BCLAF3: variants seen among roughly 807,000 people sequenced by gnomAD.
BCLAF3 encodes the protein BCLAF1 and THRAP3 family member 3.
In BCLAF3, 24 loss-of-function variants were observed where a neutral mutation model predicts 51.2. The ratio of observed to expected loss-of-function variants is 0.47; its 90% CI spans 0.34 to 0.66. The LOEUF is 0.66. Ranked by LOEUF, BCLAF3 falls within the 30% of genes least tolerant of loss-of-function variation. The pLI is 0.01. For missense variants in BCLAF3, 465 were observed against 525.1 expected (o/e 0.89, Z 1.12); for synonymous variants, 152 against 176.6 (o/e 0.86, Z 1.10).
chrX:19,968,809 CT>C (rs2072151873), intron 2 of BCLAF3, among the ~76,000 whole-genome samples: 1 of 112,726 alleles, frequency 8.9e-6, no homozygotes, highest in South Asian at 3.6e-4. Flanking sequence ...CGCCTTTTGT[CT>C]TATCAAGAAA....
rs72620217 is a variant in BCLAF3 at position 19,921,175 on chromosome X, G to A, written c.2107-3841C>T. 4.3e-3 allele frequency among the ~76,000 whole-genome samples: 486 copies of A among 111,785 alleles called. 14 individuals carry two copies. In the East Asian group the frequency reaches 0.081, roughly 19 times the overall value. ...TTTTCTTGTAGGCAATAAAATACTT[G>A]GAAGGTGTTTGTGCAAGAGGGGTAT... On this transcript the variant is annotated intron_variant, in intron 11 of 11. Coordinates refer to ENST00000379682, the MANE Select transcript of BCLAF3 (RefSeq NM_001367774.2).
At chrX:19,983,303 T>C (rs372498085) in intron 1 of BCLAF3, among the ~76,000 whole-genome samples, 2 of 106,152 alleles carry the variant, frequency 1.9e-5, no homozygotes, top group African/African-American at 6.8e-5. Flanking sequence ...AGGCCGGGCA[T>C]AGTGGCTCAC....
At chrX:19,979,462 T>C (rs1410788626) in intron 1 of BCLAF3, among the ~76,000 whole-genome samples, 1 of 111,483 alleles carries the variant, frequency 9.0e-6, no homozygotes, top group East Asian at 2.8e-4. Context: ...ATAATGCTTT[T>C]GCACACCTAA....
At chrX:19,951,938 A>G (rs2071497789) in intron 7 of BCLAF3, among the ~76,000 whole-genome samples, 1 of 111,738 alleles carries the variant, frequency 8.9e-6, no homozygotes, top group Non-Finnish European at 1.9e-5. Flanking sequence ...AACAAAACTT[A>G]AAAAGCCTCA....
At chrX:19,945,981 C>T (rs2071273995) in intron 8 of BCLAF3, among the ~76,000 whole-genome samples, 2 of 109,434 alleles carry the variant, frequency 1.8e-5, no homozygotes. Context: ...TCGTGATGCG[C>T]CGTTTTTTAA....
rs9887301 is a variant in BCLAF3, at chrX:19,939,084, G to A, written c.1746-1552C>T. Among the ~76,000 whole-genome samples, 477 of 111,956 alleles carry A rather than the reference G, an allele frequency of 4.3e-3. 4 individuals carry two copies. Among genetic ancestry groups the A allele is most frequent in the African/African-American group, 0.015 (459 of 30,856 alleles). On this transcript the variant is annotated intron_variant, in intron 8 of 11. Transcript: ENST00000379682. ...TTTTTTAAATGTTAAAAAGGCCTAT[G>A]CTTTGTCAAAATGCTCACGACAGTA...
rs772391394 is a variant in BCLAF3 at position 19,937,929 on chromosome X, G to A, written c.1746-397C>T. ...CTTCTTGCTGACAGCTCTTACTGGT[G>A]GAAGCACCAATGGCTCATGACCCAG... On this transcript the variant is annotated intron_variant, in intron 8 of 11. Coordinates refer to ENST00000379682, the MANE Select transcript of BCLAF3 (RefSeq NM_001367774.2). Among the ~76,000 whole-genome samples the A allele has an allele frequency of 4.5e-5, 5 of 111,769 alleles. No individual in the cohort carries two copies. The East Asian group carries it at 1.1e-3, about 25-fold the overall frequency.
intron 1 of BCLAF3, among the ~76,000 whole-genome samples, chrX:19,976,493 C>T (rs1444884038): frequency 9.0e-6 from 1 of 111,102 alleles, no homozygotes; most frequent in Non-Finnish European, 1.9e-5. Flanking sequence ...CGGGTTCCAG[C>T]GATTCTCCTG....
chrX:19,935,934 C>CT (rs753132921), intron 9 of BCLAF3, 36 bp from the exon 10 acceptor site: 1 of 1,052,182 alleles, frequency 9.5e-7, no homozygotes, highest in African/African-American at 1.9e-5. Context: ...GGTTAACAGA[C>CT]TTTAAAGTTT....
rs761242623 is a variant in BCLAF3 at position 19,916,705 on chromosome X, A to G, written c.*600T>C. 8.9e-6 allele frequency: 1 copy of G among 112,573 alleles called. No homozygotes were observed. The highest frequency in any genetic ancestry group is 2.8e-4 in the East Asian group (1 of 3,599). The allele number at this position is 112,573 out of a possible 1,213,427, so 9.3% of individuals were successfully genotyped here. On this transcript the variant is annotated 3_prime_UTR_variant, in exon 12 of 12. Transcript: ENST00000379682. Reference sequence around the variant, plus strand: ...AAAAAAACTGAATGAACATATTACTAAAAATTCAGTGCACTCACAACTACC... The same window carrying G: ...AAAAAAACTGAATGAACATATTACTGAAAATTCAGTGCACTCACAACTACC...
intron 1 of BCLAF3, among the ~76,000 whole-genome samples, chrX:19,984,721 T>C (rs1235529520): frequency 2.7e-5 from 3 of 110,884 alleles, no homozygotes; most frequent in African/African-American, 9.8e-5. Flanking sequence ...GTTTCACTCT[T>C]GTTGCCCAGG....
rs1333039948 is a variant in BCLAF3 at position 19,952,555 on chromosome X, T to C, written c.1629+433A>G. On this transcript the variant is annotated intron_variant, in intron 7 of 11. Coordinates refer to ENST00000379682, the MANE Select transcript of BCLAF3 (RefSeq NM_001367774.2). ...AGTTCATATTCCACAGAATGTTTCG[T>C]ACATTCTGCAGTAAACAGAAGGGCA... 2.7e-5 allele frequency among the ~76,000 whole-genome samples: 3 copies of C among 111,548 alleles called. No individual in the cohort carries two copies. In the East Asian group the frequency reaches 8.4e-4, roughly 31 times the overall value.
At chrX:19,931,892 G>GCTCTCCA (rs1177249680) in intron 10 of BCLAF3, among the ~76,000 whole-genome samples, 1 of 111,808 alleles carries the variant, frequency 8.9e-6, no homozygotes, top group African/African-American at 3.3e-5. Context: ...CAGGAAAAAG[G>GCTCTCCA]CTCTCCACGC....
intron 4 of BCLAF3, among the ~76,000 whole-genome samples, chrX:19,960,737 C>T (rs769507783): frequency 3.6e-5 from 4 of 111,447 alleles, no homozygotes; most frequent in African/African-American, 1.3e-4. Flanking sequence ...TCCCTGCCTG[C>T]GTGATACCCA....
chrX:19,976,911 G>A (rs2072443833), intron 1 of BCLAF3, among the ~76,000 whole-genome samples: 1 of 111,554 alleles, frequency 9.0e-6, no homozygotes, highest in Non-Finnish European at 1.9e-5. Context: ...AACCTCATGT[G>A]TTTACTTCTT....
chrX:19,974,957 T>A (rs2072375843), intron 1 of BCLAF3, among the ~76,000 whole-genome samples: 1 of 112,028 alleles, frequency 8.9e-6, no homozygotes, highest in African/African-American at 3.2e-5. Context: ...AAATTATACC[T>A]CAAAGCTGTA....
chrX:19,948,773 CAAA>C (rs774401751), intron 8 of BCLAF3, among the ~76,000 whole-genome samples: 1 of 71,749 alleles, frequency 1.4e-5, no homozygotes. Flanking sequence ...GATCCTGTCT[CAAA>C]AAAAAAAAAA....
chrX:19,982,981 C>T (rs1337897019), intron 1 of BCLAF3, among the ~76,000 whole-genome samples: 4 of 80,393 alleles, frequency 5.0e-5, no homozygotes, highest in Non-Finnish European at 9.1e-5. Context: ...TTTTTTGAGA[C>T]GGAGGCTCTG....
rs1370694671 is a variant in BCLAF3 at position 19,965,303 on chromosome X, T to G, written c.1015A>C (p.Lys339Gln). The G allele has an allele frequency of 8.3e-7, 1 of 1,211,883 alleles. No homozygotes were observed. Among genetic ancestry groups the G allele is most frequent in the Non-Finnish European group, 1.1e-6 (1 of 895,550 alleles). Reference protein sequence around the residue: ...RGRETQDGQVKEPFKPSKKDS... With the variant: ...RGRETQDGQVQEPFKPSKKDS... ...TTCTTAGACGGTTTAAAAGGTTCTT[T>G]GACTTGTCCATCTTGAGTCTCTCTC... is the stretch of plus-strand genomic sequence containing the variant. The change falls in exon 4 of 12, where the codon AAA (lysine) becomes CAA (glutamine). Residue 339 changes from lysine to glutamine, a missense_variant. By Grantham distance (53) the Lys-to-Gln change is moderately conservative (BLOSUM62 1). Transcript: ENST00000379682.
Sources: allele counts gnomAD v4.1 joint callset (sites outside exome capture counted in the v4.1 genomes callset), GRCh38; gene constraint gnomAD v4.1.1; transcripts MANE v1.5; gene names NCBI Gene and HGNC (gene_info 2026-07-23, HGNC 2026-07-21).